The following RAD51B variants were observed in gnomAD, a reference collection of about 807,000 sequenced individuals.
RAD51B encodes RAD51 paralog B.
RAD51B carries 38 observed loss-of-function variants against 42.2 expected under a neutral mutation model. The observed-to-expected ratio is 0.90, with a 90% CI of 0.70 to 1.18. The LOEUF is 1.18. Ranked by LOEUF, RAD51B falls within the 50% of genes most tolerant of loss-of-function variation. The probability of loss-of-function intolerance (pLI) is 0.00; values close to 1 mark genes in which losing one functional copy is unlikely to be tolerated. For synonymous variants in RAD51B, 154 were observed against 145.2 expected (o/e 1.06, Z -0.43); for missense variants, 373 against 400.7 (o/e 0.93, Z 0.59).
At chr14:68,229,512 C>T (rs2080106208) in intron 7 of RAD51B, among the ~76,000 whole-genome samples, 1 of 152,138 alleles carries the variant, frequency 6.6e-6, no homozygotes. Flanking sequence ...AGGAATTTGC[C>T]ATTGTCAATG....
chr14:67,888,303 G>A (rs1302160624), intron 7 of RAD51B, among the ~76,000 whole-genome samples: 2 of 152,118 alleles, frequency 1.3e-5, no homozygotes, highest in African/African-American at 4.8e-5. Context: ...TATTTTTCCT[G>A]ATCAAGGAGA....
At position 68,025,529 on chromosome 14, in the gene RAD51B, A is replaced by G. The variant is rs902981598; in HGVS notation, c.756+138325A>G. Among the ~76,000 whole-genome samples, 8 of 43,114 alleles carry G rather than the reference A, an allele frequency of 1.9e-4. No homozygotes were observed. In the East Asian group the frequency reaches 3.9e-3, roughly 21 times the overall value. The allele number at this position is 43,114 out of a possible 152,430, so 28.3% of individuals were successfully genotyped here. A position where few individuals can be genotyped will look rare whatever the true frequency, so the allele number is the denominator to read the frequency against. On this transcript the variant is annotated intron_variant, in intron 7 of 10. Transcript: ENST00000471583. ...GGTTGGTAGGGTTTTTAAAATTATT[A>G]TTATTACTGATTTAATTTCAGAACT... is the stretch of plus-strand genomic sequence containing the variant.
chr14:67,912,184 A>G (rs926916305), intron 7 of RAD51B, among the ~76,000 whole-genome samples: 2 of 152,210 alleles, frequency 1.3e-5, no homozygotes, highest in East Asian at 1.9e-4. Flanking sequence ...CAATTCACAA[A>G]TTAGATTATC....
chr14:68,333,134 A>C (rs532757826), intron 8 of RAD51B, among the ~76,000 whole-genome samples: 1 of 152,310 alleles, frequency 6.6e-6, no homozygotes, highest in South Asian at 2.1e-4. Context: ...GCCACTCAGC[A>C]GAGTGGTGTC....
At chr14:68,213,031 G>T (rs574347803) in intron 7 of RAD51B, among the ~76,000 whole-genome samples, 9 of 152,064 alleles carry the variant, frequency 5.9e-5, no homozygotes, top group Non-Finnish European at 1.2e-4. Context: ...TCTGGAGAGG[G>T]GTCCTCAGGG....
chr14:68,359,500 G>C (rs1475771165), intron 8 of RAD51B, among the ~76,000 whole-genome samples: 3 of 152,132 alleles, frequency 2.0e-5, no homozygotes, highest in Non-Finnish European at 4.4e-5. Context: ...TTCTTGCTTC[G>C]AGGTAGTGAG....
chr14:68,097,558 G>T (rs150996548), intron 7 of RAD51B, among the ~76,000 whole-genome samples: 19 of 152,164 alleles, frequency 1.2e-4, no homozygotes, highest in Non-Finnish European at 2.8e-4. Context: ...TTTAAAGCAG[G>T]TTCTTTTCCA....
chr14:68,364,510 T>C (rs2083100630), intron 8 of RAD51B, among the ~76,000 whole-genome samples: 1 of 152,042 alleles, frequency 6.6e-6, no homozygotes, highest in Non-Finnish European at 1.5e-5. Context: ...GGTGGAGGGC[T>C]CCACTCGCCA....
At chr14:67,945,597 A>T (rs917912640) in intron 7 of RAD51B, among the ~76,000 whole-genome samples, 10 of 152,180 alleles carry the variant, frequency 6.6e-5, no homozygotes, top group African/African-American at 2.4e-4. Context: ...CAGCCTCCCG[A>T]GTAGCTGGGA....
intron 10 of RAD51B, chr14:68,540,779 G>C: frequency 1.0e-6 from 1 of 985,422 alleles, no homozygotes; most frequent in Non-Finnish European, 1.2e-6. Context: ...AGGACTCCAA[G>C]GTTGAGTAGA....
chr14:68,553,681 A>G (rs1340929596), intron 10 of RAD51B, among the ~76,000 whole-genome samples: 2 of 117,432 alleles, frequency 1.7e-5, no homozygotes, highest in African/African-American at 3.3e-5. Context: ...AGCTCTCTCC[A>G]GTGAGGCAGA....
intron 8 of RAD51B, among the ~76,000 whole-genome samples, chr14:68,361,253 C>T (rs76245253): frequency 1.9e-3 from 295 of 152,284 alleles, no homozygotes; most frequent in African/African-American, 6.8e-3. Flanking sequence ...CTGTTTTCTG[C>T]GCCCTGGCAC....
At chr14:68,569,407 C>T (rs887489747) in intron 10 of RAD51B, among the ~76,000 whole-genome samples, 5 of 152,232 alleles carry the variant, frequency 3.3e-5, no homozygotes, top group Admixed American at 6.5e-5. Flanking sequence ...TTGAAAGAGG[C>T]TCGTTTTGTG....
chr14:68,527,827 C>G (rs1386439386), intron 10 of RAD51B, among the ~76,000 whole-genome samples: 2 of 152,152 alleles, frequency 1.3e-5, no homozygotes, highest in Non-Finnish European at 2.9e-5. Context: ...CAAGTCAGCT[C>G]ATAAAGTATG....
intron 7 of RAD51B, among the ~76,000 whole-genome samples, chr14:68,256,626 T>G (rs931744753): frequency 3.3e-5 from 5 of 152,178 alleles, no homozygotes; most frequent in African/African-American, 1.2e-4. Context: ...TCTCTCAAAC[T>G]GTTTTCTTTC....
chr14:68,021,399 G>A (rs2075863475), intron 7 of RAD51B, among the ~76,000 whole-genome samples: 1 of 152,094 alleles, frequency 6.6e-6, no homozygotes, highest in Non-Finnish European at 1.5e-5. Context: ...CCCGTGAGAT[G>A]GTGTTTCTCT....
chr14:68,595,669 G>A (rs1890963633), exon 11 of RAD51B: 2 of 987,230 alleles, frequency 2.0e-6, no homozygotes, highest in Middle Eastern at 8.8e-4. Flanking sequence ...ACAACTAAAT[G>A]TTCGACCATA....
chr14:68,497,021 C>T, intron 10 of RAD51B: 1 of 1,161,368 alleles, frequency 8.6e-7, no homozygotes, highest in South Asian at 1.4e-5. Flanking sequence ...CTTTTTTCCC[C>T]ATAACTTCAA....
chr14:68,571,874 G>A (rs1033850485), intron 10 of RAD51B, among the ~76,000 whole-genome samples: 5 of 152,110 alleles, frequency 3.3e-5, no homozygotes, highest in African/African-American at 7.2e-5. Flanking sequence ...AGATAATCAC[G>A]TTTGTTAAAA....
Sources: allele counts gnomAD v4.1 joint callset (sites outside exome capture counted in the v4.1 genomes callset), GRCh38; gene constraint gnomAD v4.1.1; transcripts MANE v1.5; gene names NCBI Gene and HGNC (gene_info 2026-07-23, HGNC 2026-07-21).